The following UBE2E2 variants were observed in gnomAD, a reference collection of about 807,000 sequenced individuals.
The protein encoded by UBE2E2 is ubiquitin-conjugating enzyme E2 E2.
UBE2E2 carries 6 observed loss-of-function variants against 24.7 expected under a neutral mutation model. The observed-to-expected ratio is 0.24, with a 90% confidence interval of 0.13 to 0.48. The LOEUF is 0.48. Ranked by LOEUF, UBE2E2 falls within the 20% of genes least tolerant of loss-of-function variation. The pLI is 0.99. For synonymous variants in UBE2E2, 104 were observed against 83.6 expected (o/e 1.24, Z -1.33); for missense variants, 169 against 245.0 (o/e 0.69, Z 2.07).
intron 4 of UBE2E2, among the ~76,000 whole-genome samples, chr3:23,521,928 A>G (rs1694877898): frequency 7.7e-6 from 1 of 129,390 alleles, no homozygotes; most frequent in South Asian, 2.8e-4. Context: ...CCTACTATGT[A>G]TGTGCTTAAT....
intron 5 of UBE2E2, among the ~76,000 whole-genome samples, chr3:23,588,887 C>G (rs1396569870): frequency 6.6e-6 from 1 of 152,146 alleles, no homozygotes. Context: ...TAATAATGAG[C>G]TATGTAGGTT....
At chr3:23,559,897 A>G (rs1446825456) in intron 5 of UBE2E2, among the ~76,000 whole-genome samples, 1 of 152,152 alleles carries the variant, frequency 6.6e-6, no homozygotes, top group East Asian at 1.9e-4. Flanking sequence ...CTCTGTAAGT[A>G]CATACTGGAC....
intron 5 of UBE2E2, among the ~76,000 whole-genome samples, chr3:23,545,235 TC>T (rs1269236405): frequency 2.0e-5 from 3 of 151,946 alleles, no homozygotes; most frequent in Non-Finnish European, 4.4e-5. Flanking sequence ...TGGGGGAGGG[TC>T]AGGTCTTTCC....
At chr3:23,558,245 A>G (rs1279215417) in intron 5 of UBE2E2, among the ~76,000 whole-genome samples, 4 of 152,310 alleles carry the variant, frequency 2.6e-5, no homozygotes, top group East Asian at 3.9e-4. Context: ...TTTCATTCTC[A>G]GTCCTCAAGA....
chr3:23,415,417 G>A (rs538389802), intron 3 of UBE2E2, among the ~76,000 whole-genome samples: 63 of 152,140 alleles, frequency 4.1e-4, no homozygotes, highest in Non-Finnish European at 1.9e-4. Context: ...TCAAATTAGC[G>A]AGACCAACAT....
At chr3:23,305,292 A>G (rs1216446570) in intron 3 of UBE2E2, among the ~76,000 whole-genome samples, 3 of 152,238 alleles carry the variant, frequency 2.0e-5, no homozygotes, top group Middle Eastern at 3.2e-3. Context: ...CAGGTATACA[A>G]ATGCTTTCCT....
intron 3 of UBE2E2, among the ~76,000 whole-genome samples, chr3:23,338,166 A>T (rs542268127): frequency 5.9e-5 from 9 of 152,336 alleles, no homozygotes; most frequent in Middle Eastern, 3.4e-3. Flanking sequence ...GTGGGTGGGC[A>T]TGTTATTTGT....
chr3:23,526,187 G>A (rs953954355), intron 4 of UBE2E2, among the ~76,000 whole-genome samples: 2 of 152,096 alleles, frequency 1.3e-5, no homozygotes, highest in African/African-American at 4.8e-5. Context: ...GTTTATGTTG[G>A]AGTGCCCGGC....
intron 3 of UBE2E2, among the ~76,000 whole-genome samples, chr3:23,278,097 A>G (rs1193148959): frequency 6.6e-6 from 1 of 152,148 alleles, no homozygotes; most frequent in Non-Finnish European, 1.5e-5. Context: ...AGGTATGCAA[A>G]TAGAATGGAT....
At chr3:23,383,473 C>CT (rs34970044) in intron 3 of UBE2E2, among the ~76,000 whole-genome samples, 69 of 149,208 alleles carry the variant, frequency 4.6e-4, no homozygotes, top group African/African-American at 9.8e-4. Context: ...TTTTATCCCC[C>CT]TTTTTTTTTT....
intron 3 of UBE2E2, among the ~76,000 whole-genome samples, chr3:23,490,000 A>C (rs1699462867): frequency 6.6e-6 from 1 of 151,816 alleles, no homozygotes; most frequent in African/African-American, 2.4e-5. Context: ...ATAGTGGAAA[A>C]GGGAAAAAAA....
chr3:23,496,589 GATTC>G (rs1329284790), intron 3 of UBE2E2, among the ~76,000 whole-genome samples: 2 of 152,040 alleles, frequency 1.3e-5, no homozygotes, highest in African/African-American at 2.4e-5. Context: ...GTATTTTTAA[GATTC>G]ATTCATGTTA....
intron 5 of UBE2E2, among the ~76,000 whole-genome samples, chr3:23,534,919 C>T (rs193151979): frequency 1.3e-3 from 193 of 152,228 alleles, no homozygotes; most frequent in Middle Eastern, 3.4e-3. Flanking sequence ...ATTTAACTCA[C>T]TTAAAAAATA....
chr3:23,554,552 T>TA (rs1330408493), intron 5 of UBE2E2, among the ~76,000 whole-genome samples: 9 of 152,062 alleles, frequency 5.9e-5, no homozygotes, highest in Admixed American at 2.6e-4. Context: ...ACCTTTATCT[T>TA]ACACTATACA....
chr3:23,259,452 C>T (rs1051315397), intron 3 of UBE2E2, among the ~76,000 whole-genome samples: 8 of 151,940 alleles, frequency 5.3e-5, no homozygotes, highest in African/African-American at 1.7e-4. Flanking sequence ...GTTTGAAAAC[C>T]TTACATGATG....
intron 5 of UBE2E2, among the ~76,000 whole-genome samples, chr3:23,539,804 C>T (rs1052627920): frequency 6.6e-6 from 1 of 151,904 alleles, no homozygotes; most frequent in Non-Finnish European, 1.5e-5. Flanking sequence ...AAAGATCAGA[C>T]TGATTTTTTT....
intron 3 of UBE2E2, among the ~76,000 whole-genome samples, chr3:23,259,045 C>T (rs539626752): frequency 9.9e-5 from 15 of 151,786 alleles, no homozygotes; most frequent in Admixed American, 9.8e-4. Context: ...TTAAGATAAC[C>T]AATTTTATAC....
At chr3:23,374,184 T>C (rs1696463518) in intron 3 of UBE2E2, among the ~76,000 whole-genome samples, 1 of 152,182 alleles carries the variant, frequency 6.6e-6, no homozygotes, top group African/African-American at 2.4e-5. Context: ...TTTAAATTTG[T>C]CGTATTCCCA....
rs542897704 is a variant in UBE2E2, at chr3:23,496,152, G to A, written c.228-3456G>A. ...ACAGTAGGACCTGTAAATTCATACA[G>A]TAGGATCTTTTTTTTATTTATACAG... On this transcript the variant is annotated intron_variant, in intron 3 of 5. Transcript: ENST00000396703. Among the ~76,000 whole-genome samples the A allele has an allele frequency of 6.7e-4, 102 of 152,220 alleles. 1 individual carries two copies. The highest frequency in any genetic ancestry group is 2.2e-3 in the African/African-American group (90 of 41,534).
Sources: allele counts gnomAD v4.1 joint callset (sites outside exome capture counted in the v4.1 genomes callset), GRCh38; gene constraint gnomAD v4.1.1; transcripts MANE v1.5; gene names NCBI Gene and HGNC (gene_info 2026-07-23, HGNC 2026-07-21).